SPTBN1: variants seen among roughly 807,000 people sequenced by gnomAD.
SPTBN1 encodes the protein spectrin beta chain, non-erythrocytic 1.
Under a neutral mutation model 266.4 loss-of-function variants are expected in SPTBN1, and 32 were observed. The ratio of observed to expected loss-of-function variants is 0.12; its 90% CI spans 0.09 to 0.16. SPTBN1 has a LOEUF of 0.16. SPTBN1 is among the 10% of genes least tolerant of loss of function. The pLI, the probability that SPTBN1 is intolerant of heterozygous loss-of-function variation, is 1.00. For synonymous variants in SPTBN1, 1,336 were observed against 1,162.2 expected, an observed-to-expected ratio of 1.15 and a Z score of -3.04; for missense variants, 2,296 against 3,067.1, an observed-to-expected ratio of 0.75 and a Z score of 5.94.
At chr2:54,637,897 A>G (rs1337918740) in intron 18 of SPTBN1, 94 bp downstream of exon 18, 16 of 1,080,590 alleles carry the variant, frequency 1.5e-5, no homozygotes, top group Non-Finnish European at 2.2e-5. Context: ...TATAAAATTA[A>G]TGAAACCAGA....
chr2:54,623,044 T>C (rs1197016669), intron 9 of SPTBN1, among the ~76,000 whole-genome samples: 1 of 152,260 alleles, frequency 6.6e-6, no homozygotes, highest in East Asian at 1.9e-4. Context: ...AGACCTTATC[T>C]ATTGCTTACC....
intron 29 of SPTBN1, among the ~76,000 whole-genome samples, chr2:54,657,121 C>T (rs1331280780): frequency 1.3e-5 from 2 of 152,228 alleles, no homozygotes; most frequent in Non-Finnish European, 2.9e-5. Flanking sequence ...AGCAGAAAGC[C>T]TGGTTCTAAC....
At position 54,525,612 on chromosome 2, in the gene SPTBN1, A is replaced by G. The variant is rs373014970; in HGVS notation, c.-47-760A>G. 1.3e-3 allele frequency among the ~76,000 whole-genome samples: 198 copies of G among 152,382 alleles called. 4 individuals are homozygous for G. The South Asian group carries it at 0.036, about 28-fold the overall frequency. On this transcript the variant is annotated intron_variant, in intron 1 of 35. Coordinates refer to ENST00000356805, the MANE Select transcript of SPTBN1 (RefSeq NM_003128.3). Reference sequence around the variant, plus strand: ...TAAAATGATCTGCTAGTTCTCTTATATAACATTTTATGAATTTCCAGGAGA... The same window carrying G: ...TAAAATGATCTGCTAGTTCTCTTATGTAACATTTTATGAATTTCCAGGAGA...
In SPTBN1 at chr2:54,668,370, T is replaced by C; in HGVS notation, c.6896T>C (p.Ile2299Thr). ...GTCCAGGAGGAAATGAACACATGGA[T>C]CCAGGCTATCTCTTCCGCCATCTCC... ...AKDDEEMNTW[I>T]QAISSAISSD... Residue 2299 changes from isoleucine to threonine, a missense_variant, in exon 36 of 36, where the codon ATC (isoleucine) becomes ACC (threonine). Ile to Thr is a moderately conservative substitution (Grantham distance 89). This residue lies in a region of SPTBN1 where 347 missense variants were observed against 368.5 expected (regional missense o/e 0.94). Transcript: ENST00000356805. 1 of 1,614,126 alleles carries C rather than the reference T, an allele frequency of 6.2e-7. No homozygotes were observed. Among genetic ancestry groups the C allele is most frequent in the Non-Finnish European group, 8.5e-7 (1 of 1,180,020 alleles).
At position 54,646,059 on chromosome 2, in the gene SPTBN1, T is replaced by A. The variant is rs750554280; in HGVS notation, c.4584+42T>A. On this transcript the variant is annotated intron_variant, in intron 22 of 35. Coordinates refer to ENST00000356805, the MANE Select transcript of SPTBN1 (RefSeq NM_003128.3). The surrounding 1 kb of genome is among the most constrained non-coding windows in gnomAD (Gnocchi z 4.4). ...GAGCTAGTTCTGTCTGATAAATAAT[T>A]GCTCTAAATTATGAGACTGGGAATG... The A allele has an allele frequency of 2.5e-6, 4 of 1,613,216 alleles. No homozygotes were observed. In the African/African-American group the frequency reaches 4.0e-5, roughly 16 times the overall value.
At position 54,576,074 on chromosome 2, in the gene SPTBN1, A is replaced by ATTTTTTTTTTTTTTTTTTTTTT. The variant is rs1209132160; in HGVS notation, c.149-23018_149-23017insTTTTTTTTTTTTTTTTTTTTTT. On this transcript the variant is annotated intron_variant, in intron 2 of 35. Coordinates refer to ENST00000356805, the MANE Select transcript of SPTBN1 (RefSeq NM_003128.3). ...ATCCAGCTTTTTTTTTTTTTTTTTG[A>ATTTTTTTTTTTTTTTTTTTTTT]GAGACAGTCTGGCTGTGTCTCCCAG... 2.0e-3 allele frequency among the ~76,000 whole-genome samples: 184 copies of ATTTTTTTTTTTTTTTTTTTTTT among 93,838 alleles called. 43 individuals are homozygous for ATTTTTTTTTTTTTTTTTTTTTT. Among genetic ancestry groups the ATTTTTTTTTTTTTTTTTTTTTT allele is most frequent in the African/African-American group, 3.9e-3 (97 of 24,754 alleles). 61.6% of individuals were successfully genotyped at this position (93,838 alleles called of 152,430 possible). A position where few individuals can be genotyped will look rare whatever the true frequency, so the allele number is the denominator to read the frequency against.
intron 2 of SPTBN1, chr2:54,559,020 C>A: frequency 9.9e-7 from 1 of 1,007,968 alleles, no homozygotes; most frequent in Non-Finnish European, 1.4e-6. Context: ...GCGGGCACCC[C>A]ATTCACGACT....
At chr2:54,609,815 T>C (rs1376513622) in intron 3 of SPTBN1, among the ~76,000 whole-genome samples, 1 of 152,132 alleles carries the variant, frequency 6.6e-6, no homozygotes, top group African/African-American at 2.4e-5. Flanking sequence ...AGAAAACCGG[T>C]TGTCATTGTC....
At chr2:54,661,944 CT>C (rs1167974550) in intron 32 of SPTBN1, 1 of 985,138 alleles carries the variant, frequency 1.0e-6, no homozygotes, top group Admixed American at 6.2e-5. Flanking sequence ...TTACAATTGG[CT>C]TGTATGAGAA....
rs1185362345 is a variant in SPTBN1, at chr2:54,645,277, C to G, written c.4318C>G (p.Gln1440Glu). 8 of 1,614,148 alleles carry G rather than the reference C, an allele frequency of 5.0e-6. No individual in the cohort carries two copies. The highest frequency in any genetic ancestry group is 6.8e-6 in the Non-Finnish European group (8 of 1,180,022). The stretch of plus-strand genomic sequence containing the variant: ...GCGGAAGAAGGAGATCGAAGAGCTC[C>G]AAAGCCAAGCCCAGGCCCTGAGTCA... ...EVRKKEIEELQSQAQALSQEG... is the reference protein window; with the variant it reads ...EVRKKEIEELESQAQALSQEG... The change falls in exon 21 of 36, where the codon CAA becomes GAA. Residue 1440 changes from glutamine to glutamate, a missense_variant. Coordinates refer to ENST00000356805, the MANE Select transcript of SPTBN1 (RefSeq NM_003128.3). This position sits in a 1 kb window ranked among gnomAD's most constrained non-coding sequence, Gnocchi z 4.3.
chr2:54,472,056 C>T (rs769805822), intron 1 of SPTBN1, among the ~76,000 whole-genome samples: 11 of 96,492 alleles, frequency 1.1e-4, no homozygotes, highest in Non-Finnish European at 2.0e-4. Context: ...GAGACTGAGT[C>T]TCGCTCTGTC....
chr2:54,654,068 T>C (rs965745170), intron 27 of SPTBN1, among the ~76,000 whole-genome samples: 1 of 152,138 alleles, frequency 6.6e-6, no homozygotes, highest in Admixed American at 6.5e-5. Flanking sequence ...CCTGGGGTTA[T>C]CAAAGCCTGT....
chr2:54,508,426 G>C (rs926517070), intron 1 of SPTBN1, among the ~76,000 whole-genome samples: 5 of 152,202 alleles, frequency 3.3e-5, no homozygotes, highest in African/African-American at 1.2e-4. Flanking sequence ...AGAAATTCTT[G>C]AGGAGTAGTA....
rs760684638 is a variant in SPTBN1, at chr2:54,648,990, C to T, written c.5002C>T (p.Arg1668Cys). The change falls in exon 25 of 36, where the codon CGC becomes TGC. Residue 1668 changes from arginine (R) to cysteine (C), a missense_variant. Arg to Cys is a radical substitution (Grantham distance 180). Around this residue, in one of 12 missense-constraint regions of SPTBN1, gnomAD observed 644 missense variants for 745.3 expected, o/e 0.86. Coordinates refer to ENST00000356805, the MANE Select transcript of SPTBN1 (RefSeq NM_003128.3). ...LVADSHPESE[R>C]ISMRQSKVDK... Reference sequence around the variant, plus strand: ...ATTGCTCCTTTTCTTTTTCAGTGAGCGCATTAGCATGCGGCAGTCCAAAGT... The same window carrying T: ...ATTGCTCCTTTTCTTTTTCAGTGAGTGCATTAGCATGCGGCAGTCCAAAGT... 5.6e-6 allele frequency: 9 copies of T among 1,603,412 alleles called. No homozygotes were observed. Among genetic ancestry groups the T allele is most frequent in the South Asian group, 3.3e-5 (3 of 89,870 alleles).
At chr2:54,529,529 C>A in intron 2 of SPTBN1, 1 of 711,106 alleles carries the variant, frequency 1.4e-6, no homozygotes. Context: ...CAGATATCCT[C>A]GGAAGACCAC....
chr2:54,660,396 A>G (rs1680956014), intron 32 of SPTBN1: 1 of 1,122,786 alleles, frequency 8.9e-7, no homozygotes, highest in Non-Finnish European at 1.1e-6. Flanking sequence ...AGAAAACTAG[A>G]ATCTAACAGG....
At chr2:54,588,663 G>C (rs1258399945) in intron 2 of SPTBN1, among the ~76,000 whole-genome samples, 2 of 152,136 alleles carry the variant, frequency 1.3e-5, no homozygotes, top group African/African-American at 4.8e-5. Flanking sequence ...GCACACCTGG[G>C]CTTACTTCAG....
At chr2:54,574,564 G>A (rs1339759781) in intron 2 of SPTBN1, among the ~76,000 whole-genome samples, 1 of 152,142 alleles carries the variant, frequency 6.6e-6, no homozygotes, top group African/African-American at 2.4e-5. Flanking sequence ...TGGAGGTCAG[G>A]TCTTCTCACC....
rs1553439438 is a variant in SPTBN1 at position 54,522,697 on chromosome 2, G to GAGAGAGAGAAAGAGAAAGAAAGAA, written c.-47-3672_-47-3671insGAGAGAAAGAGAAAGAAAGAAAGA. Reference sequence around the variant, plus strand: ...GAGAGAGGAGAGAGAGAGAGAGAGAGAGAAAGAAAGAAAGGAAAGAAAGAA... The same window carrying GAGAGAGAGAAAGAGAAAGAAAGAA: ...GAGAGAGGAGAGAGAGAGAGAGAGAGAGAGAGAGAAAGAGAAAGAAAGAAAGAAAGAAAGAAAGGAAAGAAAGAA... On this transcript the variant is annotated intron_variant, in intron 1 of 35. Coordinates refer to ENST00000356805, the MANE Select transcript of SPTBN1 (RefSeq NM_003128.3). Among the ~76,000 whole-genome samples, 155 of 97,274 alleles carry GAGAGAGAGAAAGAGAAAGAAAGAA rather than the reference G, an allele frequency of 1.6e-3. 1 individual carries two copies. Among genetic ancestry groups the GAGAGAGAGAAAGAGAAAGAAAGAA allele is most frequent in the African/African-American group, 5.2e-3 (126 of 24,148 alleles). 63.8% of individuals were successfully genotyped at this position (97,274 alleles called of 152,430 possible). A position where few individuals can be genotyped will look rare whatever the true frequency, so the allele number is the denominator to read the frequency against.
Sources: gnomAD v4.1 joint callset for allele counts (sites outside exome capture counted in the v4.1 genomes callset) on GRCh38, gnomAD v4.1.1 for gene constraint, gnomAD v4.1.1 regional missense constraint, Gnocchi (gnomAD v3.1) non-coding constraint, MANE v1.5 for transcripts, NCBI Gene and HGNC (gene_info 2026-07-23, HGNC 2026-07-21) for gene names.